The following HHAT variants were observed in gnomAD, a reference collection of about 807,000 sequenced individuals.
HHAT encodes the protein protein-cysteine N-palmitoyltransferase HHAT.
Under a neutral mutation model 70.8 loss-of-function variants are expected in HHAT, and 47 were observed. The observed-to-expected ratio is 0.66, with a 90% CI of 0.53 to 0.85. The LOEUF is 0.85. HHAT is among the 40% of genes least tolerant of loss of function. The probability of loss-of-function intolerance (pLI) is 0.00; values close to 1 mark genes in which losing one functional copy is unlikely to be tolerated. For missense variants in HHAT, 609 were observed against 604.8 expected (o/e 1.01, Z -0.07); for synonymous variants, 228 against 247.6 (o/e 0.92, Z 0.74).
chr1:210,511,625 T>C (rs1299176083), intron 8 of HHAT, among the ~76,000 whole-genome samples: 1 of 151,890 alleles, frequency 6.6e-6, no homozygotes, highest in African/African-American at 2.4e-5. Flanking sequence ...CATTACCTCT[T>C]GTCTGAAAGG....
chr1:210,464,758 C>A, intron 8 of HHAT, 103 bp downstream of exon 8: 1 of 1,181,494 alleles, frequency 8.5e-7, no homozygotes, highest in Non-Finnish European at 1.2e-6. Flanking sequence ...CCCTGTCTCT[C>A]ACTCAAGCTG....
At chr1:210,405,481 AG>A (rs2092292757) in intron 6 of HHAT, among the ~76,000 whole-genome samples, 1 of 152,190 alleles carries the variant, frequency 6.6e-6, no homozygotes, top group African/African-American at 2.4e-5. Context: ...ATCCTCATAG[AG>A]GAGAAAATAA....
Position 210,587,750 on chromosome 1 carries a change from T to C in HHAT, c.1044-148T>C, listed in dbSNP as rs1660791737. Reference sequence around the variant, plus strand: ...GGGTTTTCGCCAACTCCTTGTGGGATGGAGAATCCAAGGAATCTGGCCTCT... The same window carrying C: ...GGGTTTTCGCCAACTCCTTGTGGGACGGAGAATCCAAGGAATCTGGCCTCT... On this transcript the variant is annotated intron_variant, in intron 9 of 11. Transcript: ENST00000261458. The C allele has an allele frequency of 9.1e-6, 6 of 655,952 alleles. No homozygotes were observed. In the South Asian group the frequency reaches 1.1e-4, roughly 12 times the overall value. The allele number at this position is 655,952 out of a possible 1,614,324, so 40.6% of individuals were successfully genotyped here.
At chr1:210,623,740 G>A in intron 11 of HHAT, 70 bp downstream of exon 11, 1 of 1,469,594 alleles carries the variant, frequency 6.8e-7, no homozygotes, top group Non-Finnish European at 9.4e-7. Context: ...GATCATACAT[G>A]GGATGGATGG....
chr1:210,571,966 A>G (rs557841560), intron 9 of HHAT, among the ~76,000 whole-genome samples: 15 of 152,320 alleles, frequency 9.8e-5, no homozygotes, highest in African/African-American at 3.1e-4. Context: ...GGATTTTTCA[A>G]ATAAGCATCA....
At chr1:210,547,040 A>G (rs943551232) in intron 9 of HHAT, among the ~76,000 whole-genome samples, 2 of 151,228 alleles carry the variant, frequency 1.3e-5, no homozygotes, top group African/African-American at 4.9e-5. Context: ...GAGAGAATTA[A>G]CAGGTTAGGC....
At chr1:210,584,572 G>A (rs534871854) in intron 9 of HHAT, among the ~76,000 whole-genome samples, 3 of 152,256 alleles carry the variant, frequency 2.0e-5, no homozygotes, top group Non-Finnish European at 2.9e-5. Context: ...CACCGGATAA[G>A]ACTACTGTGC....
chr1:210,456,144 A>G (rs2093862208), intron 7 of HHAT, among the ~76,000 whole-genome samples: 2 of 152,216 alleles, frequency 1.3e-5, no homozygotes, highest in Admixed American at 6.5e-5. Flanking sequence ...TTGTGCCTTC[A>G]CGCAGAAAGG....
At position 210,461,350 on chromosome 1, in the gene HHAT, G is replaced by A. The variant is rs2148428091; in HGVS notation, c.857-3155G>A. On this transcript the variant is annotated intron_variant, in intron 7 of 11. Transcript: ENST00000261458. Reference sequence around the variant, plus strand: ...AGTCTCACCCTGTCACCAGGCTGGAGTGCAGTGGCATGATCTTGGCTCGCT... The same window carrying A: ...AGTCTCACCCTGTCACCAGGCTGGAATGCAGTGGCATGATCTTGGCTCGCT... 1.3e-5 allele frequency among the ~76,000 whole-genome samples: 2 copies of A among 152,212 alleles called. 1 individual carries two copies. Among genetic ancestry groups the A allele is most frequent in the South Asian group, 4.2e-4 (2 of 4,812 alleles).
At chr1:210,353,307 C>T (rs888951607) in intron 2 of HHAT, among the ~76,000 whole-genome samples, 9 of 152,122 alleles carry the variant, frequency 5.9e-5, no homozygotes, top group South Asian at 4.2e-4. Flanking sequence ...AGGCCTTGAA[C>T]GAATTGATGC....
chr1:210,514,363 T>G (rs1436315535), intron 9 of HHAT, among the ~76,000 whole-genome samples: 1 of 152,130 alleles, frequency 6.6e-6, no homozygotes, highest in Non-Finnish European at 1.5e-5. Flanking sequence ...GATAAATACA[T>G]TTTAGCAGGA....
chr1:210,529,833 A>G (rs1457625673), intron 9 of HHAT, among the ~76,000 whole-genome samples: 2 of 152,162 alleles, frequency 1.3e-5, no homozygotes, highest in Non-Finnish European at 2.9e-5. Flanking sequence ...TCAGGGAGCA[A>G]TGGTCTCCCA....
chr1:210,486,846 C>T (rs2094479628), intron 8 of HHAT, among the ~76,000 whole-genome samples: 1 of 152,080 alleles, frequency 6.6e-6, no homozygotes, highest in Admixed American at 6.6e-5. Context: ...TGTCCTCTCC[C>T]CTCCATCATT....
chr1:210,410,523 A>ATTTTTTTTTTTTTT (rs35608235), intron 6 of HHAT, among the ~76,000 whole-genome samples: 8 of 116,432 alleles, frequency 6.9e-5, no homozygotes, highest in African/African-American at 2.5e-4. Flanking sequence ...TTATTTGTAA[A>ATTTTTTTTTTTTTT]TTTTTTTTTT....
chr1:210,494,542 CTTTTTTTT>C (rs71146226), intron 8 of HHAT, among the ~76,000 whole-genome samples: 10 of 82,858 alleles, frequency 1.2e-4, no homozygotes, highest in African/African-American at 3.1e-4. Flanking sequence ...TTTGAAATAG[CTTTTTTTT>C]TTTTTTTTTT....
At chr1:210,576,792 A>G (rs1657874955) in intron 9 of HHAT, among the ~76,000 whole-genome samples, 1 of 152,208 alleles carries the variant, frequency 6.6e-6, no homozygotes, top group Non-Finnish European at 1.5e-5. Context: ...TAAAATCTCC[A>G]AAGCACTATC....
intron 7 of HHAT, among the ~76,000 whole-genome samples, chr1:210,442,590 T>C (rs1250708107): frequency 2.0e-5 from 3 of 152,156 alleles, no homozygotes; most frequent in Non-Finnish European, 4.4e-5. Context: ...TTTGCATTTC[T>C]CTGATGGCCA....
intron 2 of HHAT, among the ~76,000 whole-genome samples, chr1:210,352,540 C>T (rs1000369674): frequency 6.6e-6 from 1 of 152,070 alleles, no homozygotes; most frequent in Non-Finnish European, 1.5e-5. Flanking sequence ...CTAGAGGCTC[C>T]AAGTGTATTT....
At chr1:210,530,995 G>A (rs968658048) in intron 9 of HHAT, among the ~76,000 whole-genome samples, 1 of 152,146 alleles carries the variant, frequency 6.6e-6, no homozygotes, top group Non-Finnish European at 1.5e-5. Flanking sequence ...GCATTGTTAG[G>A]CAATTTCATC....
Sources: allele counts gnomAD v4.1 joint callset (sites outside exome capture counted in the v4.1 genomes callset), GRCh38; gene constraint gnomAD v4.1.1; transcripts MANE v1.5; gene names NCBI Gene and HGNC (gene_info 2026-07-23, HGNC 2026-07-21).